Variants in MAP2K5 observed in about 807,000 individuals in gnomAD.
MAP2K5 encodes the protein dual specificity mitogen-activated protein kinase kinase 5.
MAP2K5 carries 49 observed loss-of-function variants against 83.1 expected under a neutral mutation model. The ratio of observed to expected loss-of-function variants is 0.59; its 90% CI spans 0.47 to 0.75. The LOEUF is 0.75. MAP2K5 is among the 30% of genes least tolerant of loss of function. The probability of loss-of-function intolerance (pLI) is 0.00; values close to 1 mark genes in which losing one functional copy is unlikely to be tolerated. For synonymous variants in MAP2K5, 202 were observed against 191.8 expected, an observed-to-expected ratio of 1.05 and a Z score of -0.44; for missense variants, 457 against 557.5, an observed-to-expected ratio of 0.82 and a Z score of 1.82.
chr15:67,754,075 G>A (rs2089779365), intron 19 of MAP2K5, among the ~76,000 whole-genome samples: 1 of 152,202 alleles, frequency 6.6e-6, no homozygotes, highest in Non-Finnish European at 1.5e-5. Flanking sequence ...TCTATGAAAT[G>A]TCCACAATAG....
chr15:67,547,952 C>T (rs947594429), intron 1 of MAP2K5, among the ~76,000 whole-genome samples: 9 of 152,204 alleles, frequency 5.9e-5, no homozygotes, highest in African/African-American at 2.2e-4. Context: ...GATTGCCCCA[C>T]TTTATTTGCT....
rs189374399 is a variant in MAP2K5, at chr15:67,794,613, C to T, written c.1243-12033C>T. 2.5e-3 allele frequency among the ~76,000 whole-genome samples: 331 copies of T among 132,874 alleles called. No homozygotes were observed. The highest frequency in any genetic ancestry group is 3.8e-3 in the Non-Finnish European group (244 of 64,790). The allele number at this position is 132,874 out of a possible 152,430, so 87.2% of individuals were successfully genotyped here. On this transcript the variant is annotated intron_variant, in intron 21 of 21. Coordinates refer to ENST00000178640, the MANE Select transcript of MAP2K5 (RefSeq NM_145160.3). The surrounding 1 kb of genome is among the most constrained non-coding windows in gnomAD (Gnocchi z 4.6). Reference sequence around the variant, plus strand: ...CTCAGCAGCCCATTCCACTGAGGGTCGGGTAACTCTGGAACATCACAGCTG... The same window carrying T: ...CTCAGCAGCCCATTCCACTGAGGGTTGGGTAACTCTGGAACATCACAGCTG...
At chr15:67,721,114 A>T (rs946826255) in intron 16 of MAP2K5, among the ~76,000 whole-genome samples, 6 of 151,860 alleles carry the variant, frequency 4.0e-5, no homozygotes, top group African/African-American at 9.7e-5. Context: ...TTAAAAACGT[A>T]CTCTGTTAGA....
chr15:67,784,021 A>G (rs2090372706), intron 21 of MAP2K5, among the ~76,000 whole-genome samples: 17 of 152,242 alleles, frequency 1.1e-4, no homozygotes, highest in Admixed American at 1.1e-3. Flanking sequence ...TCCAGAAAGG[A>G]TCCTGTTTTA....
At position 67,573,962 on chromosome 15, in the gene MAP2K5, C is replaced by T. The variant is rs2085000383; in HGVS notation, c.253-6792C>T. Among the ~76,000 whole-genome samples, 5 of 152,138 alleles carry T rather than the reference C, an allele frequency of 3.3e-5. No homozygotes were observed. Among genetic ancestry groups the T allele is most frequent in the Admixed American group, 3.3e-4 (5 of 15,278 alleles). ...TAAGGTAGATGTGTTCCTCCTCTTG[C>T]TTTTGGGAACACCCAGCTCTGACTG... On this transcript the variant is annotated intron_variant, in intron 3 of 21. Coordinates refer to ENST00000178640, the MANE Select transcript of MAP2K5 (RefSeq NM_145160.3). The surrounding 1 kb of genome is among the most constrained non-coding windows in gnomAD (Gnocchi z 4.2).
rs190344241 is a variant in MAP2K5, at chr15:67,769,309, C to T, written c.1135-293C>T. Among the ~76,000 whole-genome samples, 166 of 152,248 alleles carry T rather than the reference C, an allele frequency of 1.1e-3. 1 individual carries two copies. The highest frequency in any genetic ancestry group is 3.9e-3 in the African/African-American group (164 of 41,534). On this transcript the variant is annotated intron_variant, in intron 19 of 21. Coordinates refer to ENST00000178640, the MANE Select transcript of MAP2K5 (RefSeq NM_145160.3). This position sits in a 1 kb window ranked among gnomAD's most constrained non-coding sequence, Gnocchi z 5.2. Reference sequence around the variant, plus strand: ...GTGTTACTTAAATAATCATTAATTTCTCATTTACACTTTCCCTACCTTCTC... The same window carrying T: ...GTGTTACTTAAATAATCATTAATTTTTCATTTACACTTTCCCTACCTTCTC...
At chr15:67,590,426 C>CTCTCT (rs1567294535) in intron 6 of MAP2K5, among the ~76,000 whole-genome samples, 7 of 24,000 alleles carry the variant, frequency 2.9e-4, no homozygotes, top group African/African-American at 7.8e-4. Flanking sequence ...TCCCTCCCTC[C>CTCTCT]CTCTCTCTCT....
In MAP2K5 at chr15:67,770,603, G is replaced by A. The variant is rs1189284694; in HGVS notation, c.1196+940G>A. On this transcript the variant is annotated intron_variant, in intron 20 of 21. Transcript: ENST00000178640. The surrounding 1 kb of genome is among the most constrained non-coding windows in gnomAD (Gnocchi z 5.0). ...ATGTCCACTGGTGGAAAATGAATGG[G>A]CAGACCCTACCAGAAGAAACCCTTG... Among the ~76,000 whole-genome samples the A allele has an allele frequency of 6.6e-6, 1 of 152,174 alleles. No homozygotes were observed. Among genetic ancestry groups the A allele is most frequent in the Admixed American group, 6.6e-5 (1 of 15,264 alleles).
At chr15:67,672,950 T>C (rs2087582640) in intron 13 of MAP2K5, among the ~76,000 whole-genome samples, 1 of 152,180 alleles carries the variant, frequency 6.6e-6, no homozygotes. Context: ...TTTGTCAGGT[T>C]TGTCAAAGAT....
chr15:67,663,581 T>C (rs1367128647), intron 12 of MAP2K5, among the ~76,000 whole-genome samples: 4 of 152,152 alleles, frequency 2.6e-5, no homozygotes, highest in Admixed American at 6.6e-5. Context: ...TTTTTAAAAA[T>C]GTCTCTCCAG....
At chr15:67,659,417 A>G (rs1258131649) in intron 12 of MAP2K5, 1 of 152,328 alleles carries the variant, frequency 6.6e-6, no homozygotes, top group Non-Finnish European at 1.5e-5. Context: ...AAATTCTTTA[A>G]TCGAACATGG....
intron 21 of MAP2K5, among the ~76,000 whole-genome samples, chr15:67,804,682 C>T (rs1173674443): frequency 2.0e-5 from 3 of 152,188 alleles, no homozygotes; most frequent in Admixed American, 6.5e-5. Flanking sequence ...CAAAGTCACC[C>T]GGCATTCTGG....
rs1465160025 is a variant in MAP2K5 at position 67,644,572 on chromosome 15, T to C, written c.586-1659T>C. Among the ~76,000 whole-genome samples the C allele has an allele frequency of 6.6e-6, 1 of 152,080 alleles. No homozygotes were observed. Among genetic ancestry groups the C allele is most frequent in the Non-Finnish European group, 1.5e-5 (1 of 68,018 alleles). Reference sequence around the variant, plus strand: ...TTTATGGGTTATAAATCACTGTGGGTAATATCACTCAGTGATTGATATTTT... The same window carrying C: ...TTTATGGGTTATAAATCACTGTGGGCAATATCACTCAGTGATTGATATTTT... On this transcript the variant is annotated intron_variant, in intron 9 of 21. Coordinates refer to ENST00000178640, the MANE Select transcript of MAP2K5 (RefSeq NM_145160.3). The surrounding 1 kb of genome is among the most constrained non-coding windows in gnomAD (Gnocchi z 4.6).
At chr15:67,590,629 T>G (rs2085386963) in intron 6 of MAP2K5, among the ~76,000 whole-genome samples, 1 of 151,954 alleles carries the variant, frequency 6.6e-6, no homozygotes, top group Admixed American at 6.6e-5. Context: ...AGTTTTTAAT[T>G]TTTTTTAGAG....
Position 67,636,418 on chromosome 15 carries a change from A to C in MAP2K5, c.585+5491A>C, listed in dbSNP as rs2141100228. Among the ~76,000 whole-genome samples, 1 of 152,228 alleles carries C rather than the reference A, an allele frequency of 6.6e-6. No individual in the cohort carries two copies. The highest frequency in any genetic ancestry group is 2.1e-4 in the South Asian group (1 of 4,822). On this transcript the variant is annotated intron_variant, in intron 9 of 21. Transcript: ENST00000178640. This position sits in a 1 kb window ranked among gnomAD's most constrained non-coding sequence, Gnocchi z 4.7. ...ATAAGACTCCGTCTCAAAAAAAAAA[A>C]AAAAGTATGAAATATAGTTATAATA... is the stretch of plus-strand genomic sequence containing the variant.
rs937712528 is a variant in MAP2K5 at position 67,786,771 on chromosome 15, A to C, written c.1242+14019A>C. Among the ~76,000 whole-genome samples the C allele has an allele frequency of 1.3e-5, 2 of 152,238 alleles. No individual in the cohort carries two copies. Among genetic ancestry groups the C allele is most frequent in the African/African-American group, 4.8e-5 (2 of 41,460 alleles). Reference sequence around the variant, plus strand: ...AGTTGCTTATCTACAAAAATAGAGTATCGCAAAGCATGAAATTTAAGTGAG... The same window carrying C: ...AGTTGCTTATCTACAAAAATAGAGTCTCGCAAAGCATGAAATTTAAGTGAG... On this transcript the variant is annotated intron_variant, in intron 21 of 21. Coordinates refer to ENST00000178640, the MANE Select transcript of MAP2K5 (RefSeq NM_145160.3). The surrounding 1 kb of genome is among the most constrained non-coding windows in gnomAD (Gnocchi z 4.7).
At position 67,574,195 on chromosome 15, in the gene MAP2K5, G is replaced by A. The variant is rs190804109; in HGVS notation, c.253-6559G>A. On this transcript the variant is annotated intron_variant, in intron 3 of 21. Transcript: ENST00000178640. The stretch of plus-strand genomic sequence containing the variant: ...ATGAAGCGTGGAAGCCACTTAGGGG[G>A]CTGTTCCTTGTGAAAGACAATGGTG... Among the ~76,000 whole-genome samples the A allele has an allele frequency of 6.6e-5, 10 of 152,302 alleles. 2 individuals carry two copies. Among genetic ancestry groups the A allele is most frequent in the African/African-American group, 2.4e-4 (10 of 41,556 alleles).
intron 8 of MAP2K5, among the ~76,000 whole-genome samples, chr15:67,620,320 G>A (rs760075396): frequency 1.2e-4 from 18 of 152,288 alleles, no homozygotes; most frequent in Admixed American, 3.3e-4. Context: ...TCATTGAGCC[G>A]AGACTGCACC....
intron 14 of MAP2K5, 50 bp from the exon 15 acceptor site, chr15:67,693,468 T>TG: frequency 2.1e-6 from 3 of 1,439,830 alleles, no homozygotes; most frequent in Non-Finnish European, 2.9e-6. Flanking sequence ...TTGCCCATTT[T>TG]ATTTCCACAT....
Sources: gnomAD v4.1 joint callset for allele counts (sites outside exome capture counted in the v4.1 genomes callset) on GRCh38, gnomAD v4.1.1 for gene constraint, Gnocchi (gnomAD v3.1) non-coding constraint, MANE v1.5 for transcripts, NCBI Gene and HGNC (gene_info 2026-07-23, HGNC 2026-07-21) for gene names.